The following PDZRN3 variants were observed in gnomAD, a reference collection of about 807,000 sequenced individuals.
PDZRN3 encodes the protein E3 ubiquitin-protein ligase PDZRN3.
A neutral mutation model predicts 85.7 loss-of-function variants in PDZRN3; 38 were observed. That is an observed-to-expected ratio of 0.44 (90% CI 0.34 to 0.58). The LOEUF is 0.58. Ranked by LOEUF, PDZRN3 falls within the 20% of genes least tolerant of loss-of-function variation. PDZRN3 has a pLI of 0.01. For missense variants in PDZRN3, 1,629 were observed against 1,506.4 expected, an observed-to-expected ratio of 1.08 and a Z score of -1.35; for synonymous variants, 759 against 638.0, an observed-to-expected ratio of 1.19 and a Z score of -2.86.
intron 3 of PDZRN3, among the ~76,000 whole-genome samples, chr3:73,429,116 G>A (rs73096411): frequency 0.11 from 15,984 of 151,916 alleles, 1,136 homozygotes; most frequent in African/African-American, 0.21. Flanking sequence ...TCATCAAGTT[G>A]CCCTGGCCAT....
chr3:73,504,039 T>A (rs1575695704), intron 3 of PDZRN3, among the ~76,000 whole-genome samples: 1 of 152,226 alleles, frequency 6.6e-6, no homozygotes, highest in South Asian at 2.1e-4. Flanking sequence ...GGGCATGTGC[T>A]AGACATTCAC....
At chr3:73,608,823 G>A in intron 1 of PDZRN3, 139 bp from the exon 2 acceptor site, 1 of 613,296 alleles carries the variant, frequency 1.6e-6, no homozygotes. Flanking sequence ...GTTTAACCAA[G>A]GAAACTTCTG....
intron 1 of PDZRN3, among the ~76,000 whole-genome samples, chr3:73,610,968 C>G (rs1360339272): frequency 6.6e-6 from 1 of 152,052 alleles, no homozygotes; most frequent in Admixed American, 6.6e-5. Context: ...TGCACTATTA[C>G]CATCCTCATG....
chr3:73,408,394 G>A, intron 3 of PDZRN3: 1 of 587,644 alleles, frequency 1.7e-6, no homozygotes. Flanking sequence ...TGTAGTAGAA[G>A]AGACACATTT....
chr3:73,401,713 T>C (rs1210333649), intron 4 of PDZRN3: 2 of 152,210 alleles, frequency 1.3e-5, no homozygotes, highest in Non-Finnish European at 2.9e-5. Context: ...ACGACATCTT[T>C]GGAAACGTCA....
At chr3:73,579,216 T>C (rs1702164591) in intron 3 of PDZRN3, among the ~76,000 whole-genome samples, 1 of 152,126 alleles carries the variant, frequency 6.6e-6, no homozygotes, top group Non-Finnish European at 1.5e-5. Context: ...AGCAAGAAGG[T>C]ACCATCTTTG....
intron 3 of PDZRN3, among the ~76,000 whole-genome samples, chr3:73,433,202 G>A (rs781283007): frequency 8.5e-5 from 13 of 152,224 alleles, no homozygotes; most frequent in Admixed American, 1.3e-4. Flanking sequence ...AACCAAGTCA[G>A]CAGAGGGCTT....
chr3:73,621,198 A>G (rs982196569), intron 1 of PDZRN3, among the ~76,000 whole-genome samples: 8 of 152,252 alleles, frequency 5.3e-5, no homozygotes, highest in African/African-American at 1.7e-4. Flanking sequence ...CTCACATGGT[A>G]GAACAGAAGA....
At chr3:73,564,320 C>T (rs1432277671) in intron 3 of PDZRN3, among the ~76,000 whole-genome samples, 1 of 152,154 alleles carries the variant, frequency 6.6e-6, no homozygotes, top group East Asian at 1.9e-4. Flanking sequence ...TCTTTGTGTC[C>T]TAGTCTCACC....
intron 3 of PDZRN3, among the ~76,000 whole-genome samples, chr3:73,532,104 C>T (rs1257531594): frequency 2.0e-5 from 3 of 152,136 alleles, no homozygotes; most frequent in Admixed American, 2.0e-4. Context: ...AGGTTCACGC[C>T]ATTCTCCTGC....
chr3:73,384,419 C>T lies in PDZRN3; in HGVS notation c.2147G>A (p.Arg716His), dbSNP rs138776737. 1.2e-6 allele frequency: 2 copies of T among 1,610,588 alleles called. No individual in the cohort carries two copies. The highest frequency in any genetic ancestry group is 8.5e-7 in the Non-Finnish European group (1 of 1,179,936). ...HKMQQLKEQY[R>H]ESWMLHNSGF... ...GCTGTTGTGCAGCATCCAGGACTCGCGGTACTGCTCCTTGAGCTGCTGCAT... is the reference window on the plus strand; with the variant it reads ...GCTGTTGTGCAGCATCCAGGACTCGTGGTACTGCTCCTTGAGCTGCTGCAT... Residue 716 changes from arginine to histidine, a missense_variant, in exon 10 of 10, where the codon CGC becomes CAC. Physicochemically the swap from Arg to His is conservative, Grantham distance 29. Transcript: ENST00000263666.
intron 3 of PDZRN3, among the ~76,000 whole-genome samples, chr3:73,488,112 G>T (rs1229329632): frequency 6.6e-6 from 1 of 152,188 alleles, no homozygotes; most frequent in Admixed American, 6.5e-5. Context: ...CACAACAGGT[G>T]CCAGCACAGG....
chr3:73,589,746 C>T (rs1007618383), intron 3 of PDZRN3, among the ~76,000 whole-genome samples: 7 of 152,192 alleles, frequency 4.6e-5, no homozygotes, highest in African/African-American at 1.7e-4. Context: ...TTATTAAACA[C>T]AGACTATATA....
intron 3 of PDZRN3, among the ~76,000 whole-genome samples, chr3:73,424,367 CAAAAAAAAAAA>C (rs66466551): frequency 1.8e-5 from 1 of 54,854 alleles, no homozygotes; most frequent in South Asian, 8.5e-4. Context: ...CCGTCTCTAC[CAAAAAAAAAAA>C]AAAAAAAAAA....
At chr3:73,588,363 T>G (rs1210117468) in intron 3 of PDZRN3, among the ~76,000 whole-genome samples, 4 of 152,330 alleles carry the variant, frequency 2.6e-5, no homozygotes, top group African/African-American at 9.6e-5. Context: ...TTCCACATCT[T>G]TACTATTGTA....
chr3:73,500,436 C>A (rs556724432), intron 3 of PDZRN3, among the ~76,000 whole-genome samples: 1 of 152,284 alleles, frequency 6.6e-6, no homozygotes, highest in Admixed American at 6.5e-5. Flanking sequence ...CCCTCTCCAA[C>A]CCCATTTCCA....
At chr3:73,497,806 T>TCC (rs138761300) in intron 3 of PDZRN3, among the ~76,000 whole-genome samples, 32 of 146,200 alleles carry the variant, frequency 2.2e-4, no homozygotes, top group African/African-American at 5.1e-4. Context: ...GCGCCCCCCG[T>TCC]CCCCGCCCCC....
chr3:73,522,152 G>T (rs1559720577), intron 3 of PDZRN3, among the ~76,000 whole-genome samples: 1 of 152,142 alleles, frequency 6.6e-6, no homozygotes, highest in South Asian at 2.1e-4. Context: ...CGTCAGTAGT[G>T]CTGAGTAGTT....
intron 1 of PDZRN3, among the ~76,000 whole-genome samples, chr3:73,620,855 C>T (rs1397628268): frequency 6.6e-6 from 1 of 151,870 alleles, no homozygotes; most frequent in Non-Finnish European, 1.5e-5. Context: ...GGATTACAGG[C>T]GTGAGCCACT....
Sources: allele counts gnomAD v4.1 joint callset (sites outside exome capture counted in the v4.1 genomes callset), GRCh38; gene constraint gnomAD v4.1.1; transcripts MANE v1.5; gene names NCBI Gene and HGNC (gene_info 2026-07-23, HGNC 2026-07-21).